Variants in OXTR observed in about 807,000 individuals in gnomAD.
OXTR encodes oxytocin receptor.
A neutral mutation model predicts 23.9 loss-of-function variants in OXTR; 19 were observed. That is an observed-to-expected ratio of 0.80 (90% CI 0.56 to 1.17). OXTR has a LOEUF of 1.17. Ranked by LOEUF, OXTR falls within the 50% of genes most tolerant of loss-of-function variation. OXTR has a pLI of 0.00. For missense variants in OXTR, 500 were observed against 550.7 expected, an observed-to-expected ratio of 0.91 and a Z score of 0.92; for synonymous variants, 278 against 250.5, an observed-to-expected ratio of 1.11 and a Z score of -1.04.
rs202195413 is a variant in OXTR, at chr3:8,752,900, C to T, written c.*77G>A. On this transcript the variant is annotated 3_prime_UTR_variant, in exon 4 of 4. Transcript: ENST00000316793. ...GATAGGTACCTTATACACAAACATA[C>T]GCCATCACCTAGGAGCAGAGCACTT... 1.1e-5 allele frequency: 16 copies of T among 1,441,942 alleles called. No individual in the cohort carries two copies. Among genetic ancestry groups the T allele is most frequent in the African/African-American group, 4.2e-5 (3 of 70,800 alleles). The allele number at this position is 1,441,942 out of a possible 1,614,324, so 89.3% of individuals were successfully genotyped here. A position where few individuals can be genotyped will look rare whatever the true frequency, so the allele number is the denominator to read the frequency against.
chr3:8,742,649 C>T, the OXTR span: 1 of 412,868 alleles, frequency 2.4e-6, no homozygotes, highest in African/African-American at 2.0e-5. Context: ...ATCACAATAG[C>T]CAGGCATTGT....
At chr3:8,767,151 C>T in intron 3 of OXTR, 115 bp downstream of exon 3, 1 of 1,077,614 alleles carries the variant, frequency 9.3e-7, no homozygotes, top group South Asian at 2.1e-5. Context: ...TGTGGGATTT[C>T]AAACCCGCTT....
At chr3:8,766,856 C>A (rs558039339) in intron 3 of OXTR, among the ~76,000 whole-genome samples, 3 of 152,184 alleles carry the variant, frequency 2.0e-5, no homozygotes, top group Non-Finnish European at 4.4e-5. Context: ...GGAGCTTGAG[C>A]TTGGCCAGGG....
intron 3 of OXTR, 111 bp downstream of exon 3, chr3:8,767,155 C>G: frequency 9.1e-7 from 1 of 1,101,968 alleles, no homozygotes; most frequent in Non-Finnish European, 1.2e-6. Context: ...GGATTTCAAA[C>G]CCGCTTATCC....
At chr3:8,762,563 G>A (rs562996801) in intron 3 of OXTR, among the ~76,000 whole-genome samples, 5 of 152,016 alleles carry the variant, frequency 3.3e-5, no homozygotes, top group African/African-American at 9.7e-5. Flanking sequence ...TTCTCCTGCC[G>A]GCCCACCATG....
intron 3 of OXTR, among the ~76,000 whole-genome samples, chr3:8,762,394 C>G (rs571057684): frequency 1.8e-4 from 28 of 152,180 alleles, no homozygotes; most frequent in Non-Finnish European, 3.5e-4. Flanking sequence ...GGCAGAAACC[C>G]TAAGGGAAAA....
chr3:8,745,517 C>A, downstream of OXTR: 1 of 1,611,912 alleles, frequency 6.2e-7, no homozygotes, highest in Non-Finnish European at 8.5e-7. This position sits in a 1 kb window ranked among gnomAD's most constrained non-coding sequence, Gnocchi z 4.8. Context: ...CCCCTTGCCA[C>A]CCCTGCAGGT....
chr3:8,767,493 C>A lies in OXTR; in HGVS notation c.695G>T (p.Arg232Leu). ...LISFKIWQNL[R>L]LKTAAAAAAE... The stretch of plus-strand genomic sequence containing the variant: ...CGCCGCCGCTGCAGCGGTCTTGAGC[C>A]GCAAGTTCTGCCAGATCTTGAAGCT... Residue 232 changes from arginine to leucine, a missense_variant, in exon 3 of 4, where the codon CGG becomes CTG. Physicochemically the swap from Arg to Leu is moderately radical, Grantham distance 102. Coordinates refer to ENST00000316793, the MANE Select transcript of OXTR (RefSeq NM_000916.4). 1 of 1,610,464 alleles carries A rather than the reference C, an allele frequency of 6.2e-7. No individual in the cohort carries two copies. Among genetic ancestry groups the A allele is most frequent in the Non-Finnish European group, 8.5e-7 (1 of 1,178,484 alleles).
chr3:8,753,165 T>G lies in OXTR; in HGVS notation c.982A>C (p.Ile328Leu), dbSNP rs761532456. 4 of 1,613,868 alleles carry G rather than the reference T, an allele frequency of 2.5e-6. No individual in the cohort carries two copies. The African/African-American group carries it at 5.3e-5, about 22-fold the overall frequency. Reference protein sequence around the residue: ...ASLNSCCNPWIYMLFTGHLFH... With the variant: ...ASLNSCCNPWLYMLFTGHLFH... ...AGGTGGCCCGTGAACAGCATGTAGA[T>G]CCAGGGGTTGCAGCAGCTGTTGAGG... The change falls in exon 4 of 4, where the codon ATC (isoleucine) becomes CTC (leucine). Residue 328 changes from isoleucine (I) to leucine (L), a missense_variant. By Grantham distance (5) the Ile-to-Leu change is conservative. Coordinates refer to ENST00000316793, the MANE Select transcript of OXTR (RefSeq NM_000916.4).
chr3:8,747,143 T>G (rs1005914209), downstream of OXTR, among the ~76,000 whole-genome samples: 1 of 152,110 alleles, frequency 6.6e-6, no homozygotes, highest in African/African-American at 2.4e-5. Flanking sequence ...ACATTATTCA[T>G]GCCTGGCCAC....
Position 8,767,784 on chromosome 3 carries a change from A to G in OXTR, c.404T>C (p.Leu135Pro). ...CTGGCAGATGGCCAGGCAGCGGTCC[A>G]GGGACATGAGCAGCAGCAGGTAGGT... Reference protein sequence around the residue: ...ASTYLLLLMSLDRCLAICQPL... With the variant: ...ASTYLLLLMSPDRCLAICQPL... Residue 135 changes from leucine to proline, a missense_variant, in exon 3 of 4, where the codon CTG (leucine) becomes CCG (proline). Physicochemically the swap from Leu to Pro is moderately conservative, Grantham distance 98. Coordinates refer to ENST00000316793, the MANE Select transcript of OXTR (RefSeq NM_000916.4). The G allele has an allele frequency of 1.9e-6, 3 of 1,607,170 alleles. No homozygotes were observed. The African/African-American group carries it at 4.0e-5, about 21-fold the overall frequency.
intron 3 of OXTR, among the ~76,000 whole-genome samples, chr3:8,753,682 G>A (rs574597783): frequency 9.2e-5 from 14 of 152,228 alleles, no homozygotes; most frequent in African/African-American, 2.6e-4. Context: ...AAGAAGCTTC[G>A]GTTTCCTAAT....
chr3:8,760,985 G>C (rs1431110170), intron 3 of OXTR, among the ~76,000 whole-genome samples: 2 of 152,194 alleles, frequency 1.3e-5, no homozygotes, highest in African/African-American at 4.8e-5. Flanking sequence ...GGCAATGTCT[G>C]GAGACAGTTT....
At chr3:8,744,445 A>ATTTT in the OXTR span, among the ~76,000 whole-genome samples, 17 of 111,388 alleles carry the variant, frequency 1.5e-4, no homozygotes, top group Admixed American at 3.0e-4. Flanking sequence ...TACCCGGCTA[A>ATTTT]TTTTTTTTTT....
chr3:8,755,639 A>T, intron 3 of OXTR, among the ~76,000 whole-genome samples: 1 of 152,236 alleles, frequency 6.6e-6, no homozygotes, highest in East Asian at 1.9e-4. Context: ...TGGTGGCCAC[A>T]GACACGAGTG....
At chr3:8,742,013 G>T in the OXTR span, among the ~76,000 whole-genome samples, 1 of 152,152 alleles carries the variant, frequency 6.6e-6, no homozygotes, top group Admixed American at 6.5e-5. Context: ...TCAGCACGCA[G>T]ATGCAGGCTT....
chr3:8,764,085 G>C (rs1708551520), intron 3 of OXTR, among the ~76,000 whole-genome samples: 2 of 152,034 alleles, frequency 1.3e-5, no homozygotes, highest in Non-Finnish European at 2.9e-5. Flanking sequence ...GAATGAAGTT[G>C]CTCAAGGGAG....
intron 3 of OXTR, among the ~76,000 whole-genome samples, chr3:8,760,190 G>T (rs558493496): frequency 6.6e-6 from 1 of 152,294 alleles, no homozygotes; most frequent in South Asian, 2.1e-4. Flanking sequence ...TCAGAAACCT[G>T]AGATTCTGAA....
chr3:8,758,251 T>C, intron 3 of OXTR, among the ~76,000 whole-genome samples: 1 of 152,114 alleles, frequency 6.6e-6, no homozygotes, highest in East Asian at 1.9e-4. Context: ...TTCCCGGCAC[T>C]CTCTCCACCC....
Sources: allele counts gnomAD v4.1 joint callset (sites outside exome capture counted in the v4.1 genomes callset), GRCh38; gene constraint gnomAD v4.1.1; non-coding constraint Gnocchi (gnomAD v3.1); transcripts MANE v1.5; gene names NCBI Gene and HGNC (gene_info 2026-07-23, HGNC 2026-07-21).